NELL1: variants seen among roughly 807,000 people sequenced by gnomAD.
NELL1 encodes neural EGFL like 1.
NELL1 carries 76 observed loss-of-function variants against 107.4 expected under a neutral mutation model. The observed-to-expected ratio is 0.71, with a 90% confidence interval of 0.59 to 0.86. The LOEUF is 0.86. NELL1 is among the 40% of genes least tolerant of loss of function. The probability of loss-of-function intolerance (pLI) is 0.00; values close to 1 mark genes in which losing one functional copy is unlikely to be tolerated. For synonymous variants in NELL1, 353 were observed against 341.2 expected, an observed-to-expected ratio of 1.03 and a Z score of -0.38; for missense variants, 1,024 against 1,005.5, an observed-to-expected ratio of 1.02 and a Z score of -0.25.
intron 16 of NELL1, among the ~76,000 whole-genome samples, chr11:21,536,675 A>T (rs927653571): frequency 6.6e-6 from 1 of 152,140 alleles, no homozygotes; most frequent in African/African-American, 2.4e-5. Context: ...TTGTTTAATA[A>T]ATGTGAAAAT....
At chr11:21,532,298 G>A (rs1160958635) in intron 15 of NELL1, among the ~76,000 whole-genome samples, 1 of 152,166 alleles carries the variant, frequency 6.6e-6, no homozygotes, top group African/African-American at 2.4e-5. Flanking sequence ...CTTCTGCCCT[G>A]CTGAATCATG....
intron 5 of NELL1, among the ~76,000 whole-genome samples, chr11:20,915,717 A>ATATATATATATATATATTTTTTTTT: frequency 6.5e-4 from 38 of 58,210 alleles, no homozygotes; most frequent in African/African-American, 2.7e-3. Flanking sequence ...ATATATATAT[A>ATATATATATATATATATTTTTTTTT]TTTTTTTTTT....
chr11:21,087,127 C>T (rs898754097), intron 12 of NELL1, among the ~76,000 whole-genome samples: 2 of 152,158 alleles, frequency 1.3e-5, no homozygotes, highest in Non-Finnish European at 2.9e-5. Context: ...GCGTAAGGCG[C>T]CACTCCTGGC....
At chr11:21,264,284 C>T (rs1848595472) in intron 14 of NELL1, among the ~76,000 whole-genome samples, 1 of 151,812 alleles carries the variant, frequency 6.6e-6, no homozygotes, top group South Asian at 2.1e-4. Flanking sequence ...ATCTTTTTGG[C>T]ATCTCACTTT....
intron 14 of NELL1, among the ~76,000 whole-genome samples, chr11:21,352,859 G>T (rs968243204): frequency 1.3e-5 from 2 of 152,130 alleles, no homozygotes; most frequent in Non-Finnish European, 2.9e-5. Context: ...TGTGTACTCT[G>T]CAAATGTTGG....
intron 5 of NELL1, among the ~76,000 whole-genome samples, chr11:20,897,947 TG>T (rs1421803472): frequency 1.3e-4 from 20 of 152,104 alleles, no homozygotes; most frequent in Non-Finnish European, 8.8e-5. Flanking sequence ...TGTGTAGAAA[TG>T]GGAACACTTT....
Position 21,051,983 on chromosome 11 carries a change from G to C in NELL1, c.1301-61606G>C, listed in dbSNP as rs112856023. ...AAGTGTGGATGAGAAAAATACAGCAGAGTCAGGGAGACGGGAAATGCTGGT... is the reference window on the plus strand; with the variant it reads ...AAGTGTGGATGAGAAAAATACAGCACAGTCAGGGAGACGGGAAATGCTGGT... On this transcript the variant is annotated intron_variant, in intron 12 of 19. Coordinates refer to ENST00000357134, the MANE Select transcript of NELL1 (RefSeq NM_006157.5). Among the ~76,000 whole-genome samples, 4 of 152,228 alleles carry C rather than the reference G, an allele frequency of 2.6e-5. 1 individual carries two copies. Among genetic ancestry groups the C allele is most frequent in the African/African-American group, 9.6e-5 (4 of 41,568 alleles).
intron 2 of NELL1, among the ~76,000 whole-genome samples, chr11:20,679,933 G>A (rs896949809): frequency 2.6e-5 from 4 of 151,294 alleles, no homozygotes; most frequent in African/African-American, 7.3e-5. Flanking sequence ...ACAAGTGTAG[G>A]TCCCCTGGGC....
At chr11:21,275,080 A>G (rs1475816420) in intron 14 of NELL1, among the ~76,000 whole-genome samples, 10 of 152,240 alleles carry the variant, frequency 6.6e-5, no homozygotes. Flanking sequence ...GGACACACAA[A>G]AAAACCCTTC....
chr11:21,112,441 T>C (rs1855128983), intron 12 of NELL1, among the ~76,000 whole-genome samples: 1 of 152,060 alleles, frequency 6.6e-6, no homozygotes, highest in Non-Finnish European at 1.5e-5. Context: ...ATAGAAATAC[T>C]GTATTTGACT....
At chr11:21,374,889 G>GTC (rs2133758944) in intron 15 of NELL1, among the ~76,000 whole-genome samples, 1 of 8,706 alleles carries the variant, frequency 1.1e-4, no homozygotes, top group Non-Finnish European at 3.4e-4. Flanking sequence ...GTGTGTGTCT[G>GTC]TGTGTGTGTG....
chr11:20,733,407 G>A (rs527679237), intron 2 of NELL1, among the ~76,000 whole-genome samples: 23 of 152,194 alleles, frequency 1.5e-4, no homozygotes, highest in Non-Finnish European at 3.2e-4. Context: ...CAAATTCAGA[G>A]CATAGTCTGA....
At chr11:21,160,361 A>G (rs374841699) in intron 13 of NELL1, among the ~76,000 whole-genome samples, 2 of 152,304 alleles carry the variant, frequency 1.3e-5, no homozygotes. Context: ...TGAAATGTCT[A>G]CTATTTGTAA....
chr11:21,223,446 G>T (rs543819717), intron 13 of NELL1, among the ~76,000 whole-genome samples: 2 of 151,886 alleles, frequency 1.3e-5, no homozygotes, highest in South Asian at 2.1e-4. Context: ...CTTTTAGATG[G>T]TGTGTGTTTT....
intron 12 of NELL1, among the ~76,000 whole-genome samples, chr11:21,016,056 C>A (rs982290724): frequency 6.6e-6 from 1 of 151,978 alleles, no homozygotes; most frequent in South Asian, 2.1e-4. Flanking sequence ...CAATGAGAAG[C>A]GACTGCCATT....
At chr11:21,081,598 C>T (rs569289973) in intron 12 of NELL1, among the ~76,000 whole-genome samples, 1 of 152,284 alleles carries the variant, frequency 6.6e-6, no homozygotes, top group South Asian at 2.1e-4. Flanking sequence ...CCAATTTGAA[C>T]ACTGGAAGCA....
At chr11:21,025,644 G>T (rs950261306) in intron 12 of NELL1, among the ~76,000 whole-genome samples, 1 of 151,926 alleles carries the variant, frequency 6.6e-6, no homozygotes, top group Admixed American at 6.6e-5. Context: ...TTTTCTTTCT[G>T]TTTATACTCA....
chr11:20,780,838 G>A lies in NELL1; in HGVS notation c.185-2842G>A, dbSNP rs72944721. Among the ~76,000 whole-genome samples, 982 of 152,150 alleles carry A rather than the reference G, an allele frequency of 6.5e-3. 9 individuals are homozygous for A. The highest frequency in any genetic ancestry group is 8.9e-3 in the Non-Finnish European group (605 of 67,996). ...AAGCATGAAGATCTGAGGTGGGAGT[G>A]GGCCTGGTGTGCTCCTCTAGTAACC... is the stretch of plus-strand genomic sequence containing the variant. On this transcript the variant is annotated intron_variant, in intron 2 of 19. Coordinates refer to ENST00000357134, the MANE Select transcript of NELL1 (RefSeq NM_006157.5).
At chr11:20,740,259 C>T (rs544856572) in intron 2 of NELL1, among the ~76,000 whole-genome samples, 2 of 152,280 alleles carry the variant, frequency 1.3e-5, no homozygotes, top group African/African-American at 4.8e-5. Flanking sequence ...AGTCCACACT[C>T]TTGATCGTAC....
Sources: allele counts gnomAD v4.1 joint callset (sites outside exome capture counted in the v4.1 genomes callset), GRCh38; gene constraint gnomAD v4.1.1; transcripts MANE v1.5; gene names NCBI Gene and HGNC (gene_info 2026-07-23, HGNC 2026-07-21).